ACOXL: variants seen among roughly 807,000 people sequenced by gnomAD.
The protein encoded by ACOXL is acyl-coenzyme A oxidase-like protein.
ACOXL carries 70 observed loss-of-function variants against 71.9 expected under a neutral mutation model. That is an observed-to-expected ratio of 0.97 (90% CI 0.80 to 1.19). The LOEUF is 1.19. ACOXL is among the 50% of genes most tolerant of loss of function. ACOXL has a pLI of 0.00. For missense variants in ACOXL, 703 were observed against 736.3 expected (o/e 0.95, Z 0.52); for synonymous variants, 253 against 281.6 (o/e 0.90, Z 1.02).
chr2:111,044,208 T>C (rs1164347752), intron 15 of ACOXL, among the ~76,000 whole-genome samples: 1 of 152,234 alleles, frequency 6.6e-6, no homozygotes, highest in Non-Finnish European at 1.5e-5. Context: ...TACCCTACAC[T>C]GTGCAGATCA....
intron 13 of ACOXL, among the ~76,000 whole-genome samples, chr2:110,987,741 A>C (rs2062993280): frequency 6.6e-6 from 1 of 152,184 alleles, no homozygotes; most frequent in Non-Finnish European, 1.5e-5. Flanking sequence ...GAATCATTCA[A>C]ATTGTTAAGT....
rs2064833331 is a variant in ACOXL at position 111,022,829 on chromosome 2, TACTA to T, written c.1282-8797_1282-8794del. ...GGAAGCCCAGGCCACTGGCGACACT[TACTA>T]CAGAAAGGAAAGAGAAGAAAAGGAA... On this transcript the variant is annotated intron_variant, in intron 14 of 17. Transcript: ENST00000439055. Among the ~76,000 whole-genome samples, 5 of 152,068 alleles carry T rather than the reference TACTA, an allele frequency of 3.3e-5. No homozygotes were observed. In the South Asian group the frequency reaches 1.0e-3, roughly 32 times the overall value.
At chr2:110,786,881 C>T (rs1311020343) in intron 3 of ACOXL, among the ~76,000 whole-genome samples, 1 of 152,184 alleles carries the variant, frequency 6.6e-6, no homozygotes, top group Non-Finnish European at 1.5e-5. Context: ...TTGGGGAAAT[C>T]TGAGCATTGG....
intron 10 of ACOXL, among the ~76,000 whole-genome samples, chr2:110,893,325 CAT>C (rs1473518149): frequency 6.6e-6 from 1 of 151,568 alleles, no homozygotes; most frequent in Non-Finnish European, 1.5e-5. Flanking sequence ...TTGAAGAAGA[CAT>C]ATACATAGCT....
intron 10 of ACOXL, among the ~76,000 whole-genome samples, chr2:110,899,290 G>C (rs553064945): frequency 5.3e-5 from 8 of 152,206 alleles, no homozygotes; most frequent in Non-Finnish European, 1.2e-4. Context: ...ACTCTGAAGT[G>C]CATTTGATTA....
chr2:110,860,299 C>T (rs373685264), intron 10 of ACOXL, among the ~76,000 whole-genome samples: 39 of 152,224 alleles, frequency 2.6e-4, no homozygotes, highest in South Asian at 1.5e-3. Flanking sequence ...TTAGTAGAGA[C>T]GAGGTTTCAC....
At position 111,061,395 on chromosome 2, in the gene ACOXL, A is replaced by T. The variant is rs375592153; in HGVS notation, c.1440+12107A>T. On this transcript the variant is annotated intron_variant, in intron 16 of 17. Coordinates refer to ENST00000439055, the MANE Select transcript of ACOXL (RefSeq NM_001142807.4). ...AGTGTTAGAAAAAAAGGAACTGTCA[A>T]CCAGAAACCTATGTCCAGTGCAAAT... 1.1e-4 allele frequency among the ~76,000 whole-genome samples: 17 copies of T among 152,310 alleles called. No homozygotes were observed. In the South Asian group the frequency reaches 3.5e-3, roughly 32 times the overall value.
chr2:110,981,161 G>C (rs1295990506), intron 12 of ACOXL, among the ~76,000 whole-genome samples: 3 of 152,150 alleles, frequency 2.0e-5, no homozygotes, highest in Non-Finnish European at 4.4e-5. Context: ...TCAGGAGTTC[G>C]AGACCAGCCT....
At chr2:111,049,812 G>T in intron 16 of ACOXL, among the ~76,000 whole-genome samples, 1 of 99,364 alleles carries the variant, frequency 1.0e-5, no homozygotes, top group Non-Finnish European at 1.9e-5. Flanking sequence ...CCCGCCCCAA[G>T]GAACAGTTGT....
intron 8 of ACOXL, among the ~76,000 whole-genome samples, chr2:110,803,810 A>G (rs1388639793): frequency 1.3e-5 from 2 of 152,224 alleles, no homozygotes; most frequent in Non-Finnish European, 2.9e-5. Context: ...AATAACTATT[A>G]CAGCTCAAGA....
intron 10 of ACOXL, among the ~76,000 whole-genome samples, chr2:110,860,970 C>T (rs1693883100): frequency 6.6e-6 from 1 of 152,132 alleles, no homozygotes; most frequent in African/African-American, 2.4e-5. Flanking sequence ...ACAAGAGCTT[C>T]TAGGAGTAAC....
intron 15 of ACOXL, among the ~76,000 whole-genome samples, chr2:111,034,050 T>A (rs994875714): frequency 2.0e-5 from 3 of 152,228 alleles, no homozygotes; most frequent in African/African-American, 7.2e-5. Flanking sequence ...TAGTGAGGAC[T>A]GAGGATGGGG....
intron 11 of ACOXL, among the ~76,000 whole-genome samples, chr2:110,917,498 C>T (rs1487000385): frequency 6.6e-6 from 1 of 152,192 alleles, no homozygotes; most frequent in Non-Finnish European, 1.5e-5. Context: ...CAGCACAAGA[C>T]AAGGATGCCC....
At chr2:110,895,856 T>G (rs778033241) in intron 10 of ACOXL, among the ~76,000 whole-genome samples, 1 of 151,952 alleles carries the variant, frequency 6.6e-6, no homozygotes, top group Non-Finnish European at 1.5e-5. Flanking sequence ...GAAGGGAAAC[T>G]AAAAGAATCC....
intron 14 of ACOXL, among the ~76,000 whole-genome samples, chr2:111,024,766 C>G (rs929552028): frequency 6.6e-6 from 1 of 151,984 alleles, no homozygotes; most frequent in African/African-American, 2.4e-5. Flanking sequence ...AGAGGAGCTT[C>G]CCGGTAGACA....
chr2:110,994,439 C>G (rs2063305562), intron 13 of ACOXL, among the ~76,000 whole-genome samples: 2 of 49,218 alleles, frequency 4.1e-5, no homozygotes, highest in Middle Eastern at 0.014. Flanking sequence ...GCAACAACAG[C>G]CACTTGGGTT....
intron 16 of ACOXL, among the ~76,000 whole-genome samples, chr2:111,077,962 A>T (rs1023358688): frequency 1.3e-5 from 2 of 152,152 alleles, no homozygotes; most frequent in Non-Finnish European, 2.9e-5. Context: ...GTTTTGCCAG[A>T]TTTAGGGAGT....
At chr2:111,101,152 G>A (rs114307397) in intron 17 of ACOXL, 4 of 152,690 alleles carry the variant, frequency 2.6e-5, no homozygotes, top group Admixed American at 6.5e-5. Flanking sequence ...TCCTTTGAAC[G>A]TAGAAGATGG....
intron 17 of ACOXL, among the ~76,000 whole-genome samples, chr2:111,108,027 C>G (rs925687276): frequency 6.6e-6 from 1 of 152,198 alleles, no homozygotes; most frequent in African/African-American, 2.4e-5. Context: ...GCTTGAGAAC[C>G]ATTCAATCTT....
Sources: allele counts gnomAD v4.1 joint callset (sites outside exome capture counted in the v4.1 genomes callset), GRCh38; gene constraint gnomAD v4.1.1; transcripts MANE v1.5; gene names NCBI Gene and HGNC (gene_info 2026-07-23, HGNC 2026-07-21).